Variants in SGCZ observed in about 807,000 individuals in gnomAD.
SGCZ encodes the protein zeta-sarcoglycan.
Under a neutral mutation model 41.3 loss-of-function variants are expected in SGCZ, and 40 were observed. The ratio of observed to expected loss-of-function variants is 0.97; its 90% CI spans 0.75 to 1.26. The LOEUF (loss-of-function observed/expected upper bound fraction) is 1.26. SGCZ is among the 50% of genes most tolerant of loss of function. The pLI, the probability that SGCZ is intolerant of heterozygous loss-of-function variation, is 0.00. For synonymous variants in SGCZ, 206 were observed against 137.5 expected (o/e 1.50, Z -3.49); for missense variants, 552 against 369.8 (o/e 1.49, Z -4.04).
intron 4 of SGCZ, among the ~76,000 whole-genome samples, chr8:14,166,745 T>C (rs917150769): frequency 5.9e-5 from 9 of 152,132 alleles, no homozygotes; most frequent in South Asian, 2.1e-4. Flanking sequence ...AGATACATTA[T>C]TAACATAAAC....
intron 1 of SGCZ, among the ~76,000 whole-genome samples, chr8:14,813,417 G>A (rs1035929676): frequency 6.6e-6 from 1 of 152,170 alleles, no homozygotes; most frequent in Non-Finnish European, 1.5e-5. Context: ...GAGTGGGCAG[G>A]TTAACTCATT....
chr8:14,712,722 A>T (rs963629043), intron 1 of SGCZ, among the ~76,000 whole-genome samples: 3 of 152,024 alleles, frequency 2.0e-5, no homozygotes, highest in African/African-American at 7.2e-5. Flanking sequence ...GAATAGTTTT[A>T]TTTTCCTGGT....
At chr8:14,193,182 A>G (rs1805159697) in intron 4 of SGCZ, among the ~76,000 whole-genome samples, 1 of 151,878 alleles carries the variant, frequency 6.6e-6, no homozygotes, top group Non-Finnish European at 1.5e-5. Context: ...CATAAGCTAC[A>G]CTACAGAAAC....
intron 3 of SGCZ, among the ~76,000 whole-genome samples, chr8:14,292,416 G>A (rs895085395): frequency 3.3e-5 from 5 of 151,954 alleles, no homozygotes; most frequent in Non-Finnish European, 7.4e-5. Flanking sequence ...ATTTAAGAAA[G>A]TAAGAAGTGG....
At chr8:15,126,871 T>C (rs1807710342) in intron 1 of SGCZ, among the ~76,000 whole-genome samples, 1 of 152,162 alleles carries the variant, frequency 6.6e-6, no homozygotes, top group Non-Finnish European at 1.5e-5. Flanking sequence ...CTCTTTGGAC[T>C]GCATCTTGTG....
At chr8:15,015,346 T>A (rs1235875652) in intron 1 of SGCZ, among the ~76,000 whole-genome samples, 2 of 152,162 alleles carry the variant, frequency 1.3e-5, no homozygotes, top group Non-Finnish European at 2.9e-5. Context: ...ATGGATTATT[T>A]ATGAATGTCT....
chr8:14,363,605 C>A (rs1317858987), intron 2 of SGCZ, among the ~76,000 whole-genome samples: 1 of 152,038 alleles, frequency 6.6e-6, no homozygotes, highest in Non-Finnish European at 1.5e-5. Context: ...GGTGCTTTGA[C>A]CCAACTTCAT....
intron 1 of SGCZ, among the ~76,000 whole-genome samples, chr8:15,061,248 C>T (rs1804917169): frequency 7.2e-6 from 1 of 139,578 alleles, no homozygotes. Context: ...GATTAGAGCC[C>T]CTACAAATAG....
chr8:15,044,392 T>G (rs1292459018), intron 1 of SGCZ, among the ~76,000 whole-genome samples: 1 of 152,202 alleles, frequency 6.6e-6, no homozygotes, highest in East Asian at 1.9e-4. Flanking sequence ...GCTGAAACTC[T>G]TTGGCAGGCA....
At chr8:15,186,168 A>G (rs1477195110) in intron 1 of SGCZ, among the ~76,000 whole-genome samples, 2 of 149,098 alleles carry the variant, frequency 1.3e-5, no homozygotes, top group Non-Finnish European at 3.0e-5. Context: ...AGGCTGAGCC[A>G]GGAGAATGGC....
At chr8:14,686,391 G>A (rs1330674796) in intron 1 of SGCZ, among the ~76,000 whole-genome samples, 1 of 152,088 alleles carries the variant, frequency 6.6e-6, no homozygotes, top group Non-Finnish European at 1.5e-5. Context: ...GGAGTGATGG[G>A]ACTCGAAACA....
At chr8:14,447,809 T>C (rs567449924) in intron 2 of SGCZ, among the ~76,000 whole-genome samples, 28 of 152,334 alleles carry the variant, frequency 1.8e-4, no homozygotes, top group Non-Finnish European at 4.0e-4. Flanking sequence ...TGACTTTGCA[T>C]TGTTTGATCT....
At chr8:14,221,827 G>C (rs139339052) in intron 4 of SGCZ, among the ~76,000 whole-genome samples, 2 of 151,834 alleles carry the variant, frequency 1.3e-5, no homozygotes, top group Non-Finnish European at 2.9e-5. Flanking sequence ...ATCTCAGCTG[G>C]GTGTAATGGC....
chr8:14,480,887 T>C (rs947333864), intron 2 of SGCZ, among the ~76,000 whole-genome samples: 1 of 152,024 alleles, frequency 6.6e-6, no homozygotes, highest in Non-Finnish European at 1.5e-5. Context: ...GCACTTGTAC[T>C]CCTGAACTTA....
chr8:14,410,506 G>A (rs1254914906), intron 2 of SGCZ, among the ~76,000 whole-genome samples: 1 of 151,192 alleles, frequency 6.6e-6, no homozygotes, highest in Non-Finnish European at 1.5e-5. Flanking sequence ...TTTTTGGACT[G>A]TAATGTGAAA....
intron 5 of SGCZ, among the ~76,000 whole-genome samples, chr8:14,141,933 T>C (rs1388474175): frequency 1.3e-5 from 2 of 152,224 alleles, no homozygotes; most frequent in Admixed American, 6.5e-5. Context: ...CCAACAATGA[T>C]AGACTGGATT....
At chr8:14,608,550 T>C (rs1327667580) in intron 1 of SGCZ, among the ~76,000 whole-genome samples, 2 of 151,850 alleles carry the variant, frequency 1.3e-5, no homozygotes, top group East Asian at 1.9e-4. Flanking sequence ...ACTGAGGGAG[T>C]AAGAACTCAC....
At chr8:14,394,137 C>A (rs1175001411) in intron 2 of SGCZ, among the ~76,000 whole-genome samples, 2 of 139,028 alleles carry the variant, frequency 1.4e-5, no homozygotes, top group Non-Finnish European at 3.0e-5. Context: ...CCCTACCGCC[C>A]CCCACCTTTT....
chr8:14,775,640 A>G (rs1800380597), intron 1 of SGCZ, among the ~76,000 whole-genome samples: 1 of 152,230 alleles, frequency 6.6e-6, no homozygotes, highest in Admixed American at 6.5e-5. Flanking sequence ...ACATGAGTAT[A>G]TAGAGTTTGG....
Sources: allele counts gnomAD v4.1 joint callset (sites outside exome capture counted in the v4.1 genomes callset), GRCh38; gene constraint gnomAD v4.1.1; transcripts MANE v1.5; gene names NCBI Gene and HGNC (gene_info 2026-07-23, HGNC 2026-07-21).